DENND11: variants seen among roughly 807,000 people sequenced by gnomAD.
The protein encoded by DENND11 is DENN domain-containing protein 11.
A neutral mutation model predicts 49.2 loss-of-function variants in DENND11; 34 were observed. The observed-to-expected ratio is 0.69, with a 90% confidence interval of 0.53 to 0.92. The LOEUF is 0.92. Among genes scored for constraint, DENND11 ranks in the 40% least tolerant of loss-of-function variants. DENND11 has a pLI of 0.00. For synonymous variants in DENND11, 238 were observed against 230.3 expected (o/e 1.03, Z -0.30); for missense variants, 475 against 581.6 (o/e 0.82, Z 1.88).
chr7:141,701,582 C>T (rs1455594430), intron 1 of DENND11: 1 of 195,580 alleles, frequency 5.1e-6, no homozygotes, highest in Non-Finnish European at 1.0e-5. Flanking sequence ...GAAGTGCGAA[C>T]ACCACTGTGG....
At chr7:141,670,599 T>TC (rs1407951475) in intron 4 of DENND11, among the ~76,000 whole-genome samples, 3 of 152,206 alleles carry the variant, frequency 2.0e-5, no homozygotes, top group African/African-American at 7.2e-5. Context: ...TATGATGGGT[T>TC]TATTAGGATG....
intron 8 of DENND11, chr7:141,663,071 G>C (rs1797829234): frequency 1.2e-5 from 5 of 427,644 alleles, no homozygotes; most frequent in Non-Finnish European, 2.0e-5. Flanking sequence ...GTGTGATTAG[G>C]GAAATCTCTA....
chr7:141,686,715 T>C, intron 1 of DENND11, 57 bp from the exon 2 acceptor site: 4 of 1,222,906 alleles, frequency 3.3e-6, no homozygotes, highest in Non-Finnish European at 4.8e-6. Context: ...AGAAAATGGG[T>C]TAGTACAGGG....
intron 1 of DENND11, among the ~76,000 whole-genome samples, chr7:141,700,932 G>T (rs760790240): frequency 2.6e-4 from 40 of 152,010 alleles, no homozygotes; most frequent in Admixed American, 5.9e-4. Flanking sequence ...AGCTGCCCTG[G>T]AGACATTGAC....
chr7:141,691,663 G>A (rs1461263112), intron 1 of DENND11, among the ~76,000 whole-genome samples: 2 of 152,162 alleles, frequency 1.3e-5, no homozygotes, highest in African/African-American at 4.8e-5. Flanking sequence ...AAAGAACAGG[G>A]CACAGGCTCC....
chr7:141,678,506 A>T (rs964638393), intron 3 of DENND11, among the ~76,000 whole-genome samples: 5 of 152,186 alleles, frequency 3.3e-5, no homozygotes, highest in African/African-American at 1.2e-4. Context: ...ATATACACAA[A>T]ATGTAGAAAG....
intron 5 of DENND11, 131 bp from the exon 6 acceptor site, chr7:141,665,449 A>C (rs1797879569): frequency 7.9e-7 from 1 of 1,263,090 alleles, no homozygotes; most frequent in African/African-American, 1.5e-5. Context: ...TGGCGTTCTG[A>C]GGAGACTGGA....
chr7:141,676,597 T>C (rs896103955), intron 3 of DENND11, among the ~76,000 whole-genome samples: 1 of 152,186 alleles, frequency 6.6e-6, no homozygotes, highest in Non-Finnish European at 1.5e-5. Context: ...AAATACAAAT[T>C]GGCAGTTCCT....
In DENND11 at chr7:141,662,794, A is replaced by T; in HGVS notation, c.1230T>A (p.Ser410Arg). Reference sequence around the variant, plus strand: ...GCTCTGCTGTCAGAGTTTTGTCTTGACTGGCAGACACCTCCAACAAAGTCT... The same window carrying T: ...GCTCTGCTGTCAGAGTTTTGTCTTGTCTGGCAGACACCTCCAACAAAGTCT... The part of the protein sequence containing the change: ...IFQTLLEVSA[S>R]QDKTLTAEHA... The change falls in exon 9 of 9, where the codon AGT becomes AGA. Residue 410 changes from serine to arginine, a missense_variant. Coordinates refer to ENST00000536163, the MANE Select transcript of DENND11 (RefSeq NM_001080392.2). 6.3e-7 allele frequency: 1 copy of T among 1,599,908 alleles called. No homozygotes were observed. Among genetic ancestry groups the T allele is most frequent in the Admixed American group, 1.7e-5 (1 of 57,780 alleles).
intron 4 of DENND11, among the ~76,000 whole-genome samples, chr7:141,669,208 T>C (rs1797939949): frequency 6.6e-6 from 1 of 151,996 alleles, no homozygotes; most frequent in Non-Finnish European, 1.5e-5. Flanking sequence ...AACATTCCTA[T>C]ATCTGACTCC....
chr7:141,699,803 C>T (rs1563007159), intron 1 of DENND11, among the ~76,000 whole-genome samples: 1 of 152,212 alleles, frequency 6.6e-6, no homozygotes, highest in Non-Finnish European at 1.5e-5. Flanking sequence ...CATCAAATTA[C>T]AGAGCAGTGA....
chr7:141,691,822 G>A (rs1448427923), intron 1 of DENND11, among the ~76,000 whole-genome samples: 2 of 152,140 alleles, frequency 1.3e-5, no homozygotes, highest in African/African-American at 4.8e-5. Context: ...CTCTGCAGGA[G>A]TCTGTTAACT....
At position 141,686,630 on chromosome 7, in the gene DENND11, T is replaced by G; in HGVS notation, c.297A>C (p.Gln99His). ...SGNMVEWCLP[Q>H]DIDLEGVEFK... ...ACTCAACACCTTCAAGGTCAATATC[T>G]TGAGGTAAGCACCATTCTACCATGT... Residue 99 changes from glutamine to histidine, a missense_variant, in exon 2 of 9, where the codon CAA (glutamine) becomes CAC (histidine). Transcript: ENST00000536163. The G allele has an allele frequency of 6.2e-7, 1 of 1,612,950 alleles. No homozygotes were observed. Among genetic ancestry groups the G allele is most frequent in the South Asian group, 1.1e-5 (1 of 90,774 alleles).
intron 1 of DENND11, among the ~76,000 whole-genome samples, chr7:141,687,016 T>A (rs1798254279): frequency 6.6e-6 from 1 of 152,180 alleles, no homozygotes; most frequent in South Asian, 2.1e-4. Context: ...TCTTGTGTTC[T>A]CCCCTTAATC....
chr7:141,685,402 G>C, intron 3 of DENND11, 76 bp downstream of exon 3: 1 of 1,540,598 alleles, frequency 6.5e-7, no homozygotes, highest in South Asian at 1.2e-5. Context: ...CGCAAATGCT[G>C]TCTCCGAGGG....
In DENND11 at chr7:141,685,535, A is replaced by G. The variant is rs1208249626; in HGVS notation, c.470T>C (p.Leu157Pro). The change falls in exon 3 of 9, where the codon CTC (leucine) becomes CCC (proline). Residue 157 changes from leucine to proline, a missense_variant. Transcript: ENST00000536163. ...GTAAAGCAGTGTGTAGGAGGGAGAG[A>G]GGATGCCCACAGACTTCATCCGCGC... ...RGARMKSVGI[L>P]SPSYTLLYRY... is the part of the protein sequence containing the mutation. 6.2e-7 allele frequency: 1 copy of G among 1,613,968 alleles called. No individual in the cohort carries two copies. Among genetic ancestry groups the G allele is most frequent in the Non-Finnish European group, 8.5e-7 (1 of 1,179,892 alleles).
intron 1 of DENND11, among the ~76,000 whole-genome samples, chr7:141,697,360 G>A (rs1798431256): frequency 6.6e-6 from 1 of 152,188 alleles, no homozygotes; most frequent in Non-Finnish European, 1.5e-5. Context: ...AAAACCACAA[G>A]CAGGTGAATC....
intron 3 of DENND11, 120 bp downstream of exon 3, chr7:141,685,358 G>C: frequency 8.0e-7 from 1 of 1,255,038 alleles, no homozygotes; most frequent in South Asian, 1.4e-5. Context: ...ACATCGCCAT[G>C]GATGTTCTTG....
chr7:141,672,482 A>G (rs560152402), intron 4 of DENND11, among the ~76,000 whole-genome samples: 76 of 152,208 alleles, frequency 5.0e-4, no homozygotes, highest in Non-Finnish European at 1.0e-3. Flanking sequence ...GGAGCCCCCA[A>G]CTAACAGCCA....
Sources: allele counts gnomAD v4.1 joint callset (sites outside exome capture counted in the v4.1 genomes callset), GRCh38; gene constraint gnomAD v4.1.1; transcripts MANE v1.5; gene names NCBI Gene and HGNC (gene_info 2026-07-23, HGNC 2026-07-21).